Variants in FHIT observed in about 807,000 individuals in gnomAD.
FHIT encodes the protein fragile histidine triad diadenosine triphosphatase.
In FHIT, 19 loss-of-function variants were observed where a neutral mutation model predicts 17.9. The observed-to-expected ratio is 1.06, with a 90% confidence interval of 0.74 to 1.56. The LOEUF (loss-of-function observed/expected upper bound fraction) is 1.56, where lower values mean the gene tolerates loss of function less well. Among genes scored for constraint, FHIT ranks in the 40% most tolerant of loss-of-function variants. The probability of loss-of-function intolerance (pLI) is 0.00; values close to 1 mark genes in which losing one functional copy is unlikely to be tolerated. For missense variants in FHIT, 248 were observed against 189.2 expected (o/e 1.31, Z -1.82); for synonymous variants, 81 against 69.7 (o/e 1.16, Z -0.81).
intron 5 of FHIT, among the ~76,000 whole-genome samples, chr3:60,413,650 CTGTGTGTG>C (rs3060234): frequency 6.6e-6 from 1 of 150,390 alleles, no homozygotes; most frequent in African/African-American, 2.4e-5. Flanking sequence ...GCAGGGAACT[CTGTGTGTG>C]TGTGTGTGTG....
At chr3:60,209,098 T>C (rs991898771) in intron 5 of FHIT, among the ~76,000 whole-genome samples, 1 of 152,126 alleles carries the variant, frequency 6.6e-6, no homozygotes, top group East Asian at 1.9e-4. Context: ...AATTTCAAAA[T>C]AGAACCTAAA....
intron 5 of FHIT, among the ~76,000 whole-genome samples, chr3:60,177,450 T>A (rs1701731067): frequency 6.6e-6 from 1 of 152,160 alleles, no homozygotes; most frequent in African/African-American, 2.4e-5. Context: ...ACACTAAAGT[T>A]TCCAATTAAA....
At chr3:60,569,732 T>TATATATATATATATATATATATAC (rs1559547486) in intron 4 of FHIT, among the ~76,000 whole-genome samples, 15 of 31,728 alleles carry the variant, frequency 4.7e-4, no homozygotes, top group East Asian at 1.4e-3. Flanking sequence ...ATACTATATA[T>TATATATATATATATATATATATAC]ATATATATAT....
intron 4 of FHIT, among the ~76,000 whole-genome samples, chr3:60,657,793 A>C (rs934113355): frequency 1.3e-5 from 2 of 152,092 alleles, no homozygotes; most frequent in Admixed American, 1.3e-4. Context: ...TTCCATATCC[A>C]CCACCATCCC....
chr3:60,806,263 C>T (rs905632006), intron 4 of FHIT, among the ~76,000 whole-genome samples: 45 of 152,326 alleles, frequency 3.0e-4, no homozygotes, highest in Non-Finnish European at 7.3e-5. Context: ...AGCCACAACC[C>T]TGTCTCCTGT....
chr3:60,080,941 C>G (rs992758657), intron 5 of FHIT: 2 of 152,114 alleles, frequency 1.3e-5, no homozygotes, highest in South Asian at 4.1e-4. Context: ...AGTCTCCTTT[C>G]TGAGTTTTGC....
chr3:59,927,258 A>T (rs1705708022), intron 7 of FHIT, among the ~76,000 whole-genome samples: 1 of 152,208 alleles, frequency 6.6e-6, no homozygotes, highest in African/African-American at 2.4e-5. Context: ...GCTGATTCAT[A>T]GAGAAAGAAA....
intron 4 of FHIT, among the ~76,000 whole-genome samples, chr3:60,581,281 A>G (rs2037741350): frequency 6.6e-6 from 1 of 152,122 alleles, no homozygotes; most frequent in Non-Finnish European, 1.5e-5. Context: ...TAAAGAGGGT[A>G]AGTAATTTGT....
intron 5 of FHIT, among the ~76,000 whole-genome samples, chr3:60,248,524 G>T (rs1258533173): frequency 6.6e-6 from 1 of 152,124 alleles, no homozygotes; most frequent in East Asian, 1.9e-4. Flanking sequence ...CAGCACCATG[G>T]AAATGACATT....
intron 4 of FHIT, among the ~76,000 whole-genome samples, chr3:60,545,217 A>G (rs1336543342): frequency 2.0e-5 from 3 of 151,286 alleles, no homozygotes; most frequent in Non-Finnish European, 2.9e-5. Context: ...TCTTTTACCT[A>G]TTTCGTATTG....
intron 8 of FHIT, among the ~76,000 whole-genome samples, chr3:59,915,631 A>T (rs552292448): frequency 1.3e-5 from 2 of 152,266 alleles, no homozygotes; most frequent in South Asian, 4.1e-4. Flanking sequence ...GCTTCTCAAC[A>T]TTCCTCATTT....
At chr3:60,630,955 A>AAAT (rs1553682278) in intron 4 of FHIT, among the ~76,000 whole-genome samples, 1 of 125,090 alleles carries the variant, frequency 8.0e-6, no homozygotes, top group Admixed American at 8.2e-5. Flanking sequence ...AAAAAAAAAA[A>AAAT]ACACACAGAA....
chr3:60,895,665 C>CTTTCTTT (rs1705758713), intron 3 of FHIT, among the ~76,000 whole-genome samples: 1 of 106,976 alleles, frequency 9.3e-6, no homozygotes, highest in Non-Finnish European at 1.9e-5. Flanking sequence ...TTCCTTCCTT[C>CTTTCTTT]CTTTCTTTCT....
intron 4 of FHIT, among the ~76,000 whole-genome samples, chr3:60,550,935 T>G (rs1455240934): frequency 6.6e-6 from 1 of 152,108 alleles, no homozygotes; most frequent in African/African-American, 2.4e-5. Context: ...ATGATCAAAA[T>G]CCAAGAACAG....
chr3:60,090,487 T>C (rs1305513701), intron 5 of FHIT, among the ~76,000 whole-genome samples: 5 of 152,292 alleles, frequency 3.3e-5, no homozygotes, highest in South Asian at 4.1e-4. Flanking sequence ...GCATTTTCTT[T>C]ACGTGATTGA....
At chr3:60,677,500 G>A (rs1220199859) in intron 4 of FHIT, among the ~76,000 whole-genome samples, 4 of 151,958 alleles carry the variant, frequency 2.6e-5, no homozygotes, top group Non-Finnish European at 5.9e-5. Flanking sequence ...CATTTTCTGT[G>A]GCTGAATAGT....
intron 4 of FHIT, among the ~76,000 whole-genome samples, chr3:60,733,608 G>T (rs1276954620): frequency 1.3e-5 from 2 of 152,084 alleles, no homozygotes; most frequent in East Asian, 1.9e-4. Context: ...TGTTGCTGAA[G>T]AAACTATTTC....
chr3:60,193,012 A>G (rs1407774596), intron 5 of FHIT, among the ~76,000 whole-genome samples: 6 of 152,226 alleles, frequency 3.9e-5, no homozygotes, highest in Non-Finnish European at 7.3e-5. Flanking sequence ...AAGATGACCG[A>G]AAACTAAAGG....
At chr3:59,885,999 G>A (rs568049956) in intron 8 of FHIT, among the ~76,000 whole-genome samples, 1 of 152,274 alleles carries the variant, frequency 6.6e-6, no homozygotes, top group Non-Finnish European at 1.5e-5. Context: ...ATGGGATCAA[G>A]GCAAAAGACA....
Sources: allele counts gnomAD v4.1 joint callset (sites outside exome capture counted in the v4.1 genomes callset), GRCh38; gene constraint gnomAD v4.1.1; transcripts MANE v1.5; gene names NCBI Gene and HGNC (gene_info 2026-07-23, HGNC 2026-07-21).